The following SNRNP40 variants were observed in gnomAD, a reference collection of about 807,000 sequenced individuals.
SNRNP40 encodes the protein U5 small nuclear ribonucleoprotein 40 kDa protein.
Under a neutral mutation model 45.8 loss-of-function variants are expected in SNRNP40, and 21 were observed. The ratio of observed to expected loss-of-function variants is 0.46; its 90% confidence interval spans 0.32 to 0.66. The LOEUF is 0.66. Ranked by LOEUF, SNRNP40 falls within the 30% of genes least tolerant of loss-of-function variation. The pLI is 0.03. For missense variants in SNRNP40, 344 were observed against 439.1 expected (o/e 0.78, Z 1.94); for synonymous variants, 142 against 163.8 (o/e 0.87, Z 1.01).
chr1:31,294,373 A>G (rs1352761898), intron 1 of SNRNP40, among the ~76,000 whole-genome samples: 1 of 152,184 alleles, frequency 6.6e-6, no homozygotes, highest in African/African-American at 2.4e-5. Context: ...ACATGGGCTG[A>G]TATGCTCACT....
chr1:31,277,520 C>G (rs1645984108), intron 5 of SNRNP40, among the ~76,000 whole-genome samples: 1 of 151,948 alleles, frequency 6.6e-6, no homozygotes, highest in African/African-American at 2.4e-5. Flanking sequence ...AATAAGCAGA[C>G]AAATTAGGAA....
intron 3 of SNRNP40, among the ~76,000 whole-genome samples, chr1:31,289,834 T>C (rs919125879): frequency 1.3e-5 from 2 of 152,222 alleles, no homozygotes; most frequent in African/African-American, 4.8e-5. Context: ...ATCTTTTCTC[T>C]TTACCAAAGT....
chr1:31,283,881 A>G (rs1646037015), intron 4 of SNRNP40, among the ~76,000 whole-genome samples: 1 of 152,200 alleles, frequency 6.6e-6, no homozygotes, highest in South Asian at 2.1e-4. Flanking sequence ...GATACACAAA[A>G]ATTAATTCAA....
chr1:31,296,560 G>T, intron 1 of SNRNP40, 51 bp downstream of exon 1: 1 of 1,566,054 alleles, frequency 6.4e-7, no homozygotes, highest in South Asian at 1.2e-5. Flanking sequence ...ACAGCGCTCT[G>T]AGGGGAGGAA....
At chr1:31,269,766 T>G (rs1645924103) in intron 6 of SNRNP40, 2 of 160,064 alleles carry the variant, frequency 1.2e-5, no homozygotes, top group African/African-American at 4.8e-5. Context: ...ATACCAAAAA[T>G]CAGAAAAAGT....
At chr1:31,261,930 A>T in intron 8 of SNRNP40, 1 of 227,332 alleles carries the variant, frequency 4.4e-6, no homozygotes. Flanking sequence ...TCCTGCAGAC[A>T]TCACACAAAA....
chr1:31,272,951 T>C (rs1645948783), intron 5 of SNRNP40, among the ~76,000 whole-genome samples: 1 of 152,184 alleles, frequency 6.6e-6, no homozygotes, highest in African/African-American at 2.4e-5. Context: ...TTTTTCTAAG[T>C]GAATAAAACT....
chr1:31,272,446 C>T (rs532185720), intron 5 of SNRNP40, among the ~76,000 whole-genome samples: 2 of 152,246 alleles, frequency 1.3e-5, no homozygotes, highest in Admixed American at 1.3e-4. Flanking sequence ...CATTGCAAAA[C>T]TGAATTCTCA....
chr1:31,265,891 T>G (rs1645892714), intron 8 of SNRNP40, among the ~76,000 whole-genome samples: 1 of 152,304 alleles, frequency 6.6e-6, no homozygotes, highest in Middle Eastern at 3.4e-3. Flanking sequence ...TGCTGAAAAT[T>G]ATGTAAAAAT....
chr1:31,293,687 T>C (rs1446365327), intron 1 of SNRNP40, among the ~76,000 whole-genome samples: 1 of 152,186 alleles, frequency 6.6e-6, no homozygotes, highest in Admixed American at 6.5e-5. Flanking sequence ...GCTCAAGTGA[T>C]CCTCCTGCCT....
At chr1:31,260,144 C>A in intron 9 of SNRNP40, 23 bp from the exon 10 acceptor site, 1 of 1,541,432 alleles carries the variant, frequency 6.5e-7, no homozygotes, top group South Asian at 1.2e-5. Context: ...GAACAGATAA[C>A]TAGAAATAAT....
intron 5 of SNRNP40, among the ~76,000 whole-genome samples, chr1:31,276,470 G>A (rs1645975608): frequency 6.6e-6 from 1 of 152,056 alleles, no homozygotes; most frequent in South Asian, 2.1e-4. Context: ...GCTTAGTTAA[G>A]GATATACTTT....
chr1:31,284,218 C>T (rs1173659913), intron 4 of SNRNP40, among the ~76,000 whole-genome samples: 4 of 152,172 alleles, frequency 2.6e-5, no homozygotes, highest in African/African-American at 7.2e-5. Flanking sequence ...GGCGGCATCT[C>T]GGCTCACTGC....
intron 9 of SNRNP40, among the ~76,000 whole-genome samples, chr1:31,260,661 A>ATC (rs1645851964): frequency 1.3e-5 from 2 of 148,974 alleles, no homozygotes; most frequent in African/African-American, 4.9e-5. Context: ...CAGGAGTTTG[A>ATC]GACCAGCCTG....
chr1:31,275,352 G>T (rs1002702852), intron 5 of SNRNP40, among the ~76,000 whole-genome samples: 3 of 152,106 alleles, frequency 2.0e-5, no homozygotes, highest in Non-Finnish European at 4.4e-5. Flanking sequence ...GTCTTCCTGA[G>T]TTCGAGAGAG....
chr1:31,280,558 G>GCATT (rs1646008617), intron 5 of SNRNP40, among the ~76,000 whole-genome samples: 1 of 151,636 alleles, frequency 6.6e-6, no homozygotes, highest in Admixed American at 6.6e-5. Flanking sequence ...AGAAAGTTGA[G>GCATT]TATCTGACAG....
At chr1:31,294,981 A>C (rs533027929) in intron 1 of SNRNP40, among the ~76,000 whole-genome samples, 1 of 152,096 alleles carries the variant, frequency 6.6e-6, no homozygotes, top group African/African-American at 2.4e-5. Context: ...GGCACTGGGC[A>C]AACAGCAATG....
At chr1:31,263,596 G>T in intron 8 of SNRNP40, 1 of 463,492 alleles carries the variant, frequency 2.2e-6, no homozygotes, top group Non-Finnish European at 4.2e-6. Context: ...AGGGCAAGTT[G>T]AGTGAACTGC....
chr1:31,284,036 C>T (rs1042406733), intron 4 of SNRNP40, among the ~76,000 whole-genome samples: 1 of 152,126 alleles, frequency 6.6e-6, no homozygotes, highest in Non-Finnish European at 1.5e-5. Flanking sequence ...CCAGCCTGAG[C>T]AACATGGTGA....
Sources: allele counts gnomAD v4.1 joint callset (sites outside exome capture counted in the v4.1 genomes callset), GRCh38; gene constraint gnomAD v4.1.1; transcripts MANE v1.5; gene names NCBI Gene and HGNC (gene_info 2026-07-23, HGNC 2026-07-21).